NAE1: variants seen among roughly 807,000 people sequenced by gnomAD.
The protein encoded by NAE1 is NEDD8 activating enzyme E1 subunit 1.
In NAE1, 59 loss-of-function variants were observed where a neutral mutation model predicts 88.0. The observed-to-expected ratio is 0.67, with a 90% CI of 0.54 to 0.83. The LOEUF is 0.83. Ranked by LOEUF, NAE1 falls within the 40% of genes least tolerant of loss-of-function variation. The pLI is 0.00. For synonymous variants in NAE1, 186 were observed against 208.9 expected (o/e 0.89, Z 0.95); for missense variants, 554 against 632.8 (o/e 0.88, Z 1.34).
chr16:66,829,331 T>TG (rs2145360824), intron 1 of NAE1, among the ~76,000 whole-genome samples: 3 of 152,284 alleles, frequency 2.0e-5, no homozygotes, highest in African/African-American at 7.2e-5. Flanking sequence ...AAACCTAAGT[T>TG]GGTTATAAGG....
At chr16:66,803,823 C>T (rs951415055) in intron 19 of NAE1, among the ~76,000 whole-genome samples, 7 of 152,074 alleles carry the variant, frequency 4.6e-5, no homozygotes, top group Middle Eastern at 3.4e-3. Flanking sequence ...GAACTCCTGA[C>T]CTCAAGTGAT....
chr16:66,813,800 T>C lies in NAE1; in HGVS notation c.887A>G (p.Asn296Ser), dbSNP rs752510716. ...EDIFNDDRCI[N>S]ITKQTPSFWI... ...TGTTGTTGTTACCTGTTTGGTGATA[T>C]TTATGCAGCGATCATCATTAAATAT... The change falls in exon 12 of 20, where the codon AAT becomes AGT. Residue 296 changes from asparagine to serine, a missense_variant. By Grantham distance (46) the Asn-to-Ser change is conservative. Coordinates refer to ENST00000290810, the MANE Select transcript of NAE1 (RefSeq NM_003905.4). 3.7e-6 allele frequency: 6 copies of C among 1,613,758 alleles called. No homozygotes were observed. The Admixed American group carries it at 5.0e-5, about 13-fold the overall frequency.
chr16:66,814,171 C>A (rs1343779510), intron 11 of NAE1, among the ~76,000 whole-genome samples: 3 of 152,112 alleles, frequency 2.0e-5, no homozygotes, highest in African/African-American at 7.2e-5. Context: ...CGCAGTATAT[C>A]ATGATTTTCC....
chr16:66,808,951 T>A lies in NAE1; in HGVS notation c.1237+38A>T, dbSNP rs747823207. ...AAAATATTTATATCTTTTAAATTAATTAAAATTAACCCAGAATCAGAAGGC... is the reference window on the plus strand; with the variant it reads ...AAAATATTTATATCTTTTAAATTAAATAAAATTAACCCAGAATCAGAAGGC... On this transcript the variant is annotated intron_variant, in intron 16 of 19. Coordinates refer to ENST00000290810, the MANE Select transcript of NAE1 (RefSeq NM_003905.4). 2.9e-6 allele frequency: 4 copies of A among 1,369,336 alleles called. No individual in the cohort carries two copies. In the Admixed American group the frequency reaches 8.1e-5, roughly 28 times the overall value. The allele number at this position is 1,369,336 out of a possible 1,614,324, so 84.8% of individuals were successfully genotyped here. A position where few individuals can be genotyped will look rare whatever the true frequency, so the allele number is the denominator to read the frequency against.
At chr16:66,830,804 A>T (rs1597054537) in intron 1 of NAE1, 43 bp downstream of exon 1, 1 of 1,503,924 alleles carries the variant, frequency 6.6e-7, no homozygotes, top group East Asian at 2.7e-5. Context: ...CGAATGCTGG[A>T]AAGCCCGCCG....
At chr16:66,816,796 A>G in intron 10 of NAE1, 124 bp from the exon 11 acceptor site, 1 of 1,271,392 alleles carries the variant, frequency 7.9e-7, no homozygotes, top group South Asian at 1.5e-5. Context: ...ACGGCTTATC[A>G]TTAGTCCTTA....
At chr16:66,822,732 G>A (rs1395772309) in intron 6 of NAE1, among the ~76,000 whole-genome samples, 18 of 146,512 alleles carry the variant, frequency 1.2e-4, no homozygotes, top group Middle Eastern at 3.5e-3. Context: ...GTAGTGGCAC[G>A]ATCTTTGGCT....
At chr16:66,818,733 G>A in intron 7 of NAE1, 96 bp from the exon 8 acceptor site, 1 of 1,417,014 alleles carries the variant, frequency 7.1e-7, no homozygotes, top group African/African-American at 1.5e-5. Context: ...GAAGTACAGT[G>A]GCACAATCAC....
intron 13 of NAE1, among the ~76,000 whole-genome samples, chr16:66,811,420 T>A (rs1350696608): frequency 6.6e-6 from 1 of 152,168 alleles, no homozygotes; most frequent in Admixed American, 6.5e-5. Flanking sequence ...AAATACTGTA[T>A]TAATGACAAT....
chr16:66,805,822 G>A lies in NAE1; in HGVS notation c.1450C>T (p.Arg484Ter), dbSNP rs767933692. Reference sequence around the variant, plus strand: ...GTATGTGGCTCAGCAGCTCCATATCGGCAACTAAAGGAGACCACAGAGACA... The same window carrying A: ...GTATGTGGCTCAGCAGCTCCATATCAGCAACTAAAGGAGACCACAGAGACA... ...VKDDYVHEFC[R>*]YGAAEPHTIA... Residue 484 changes from arginine (R) to a stop codon, truncating the protein, a stop_gained, in exon 19 of 20, where the codon CGA becomes TGA. Coordinates refer to ENST00000290810, the MANE Select transcript of NAE1 (RefSeq NM_003905.4). LOFTEE classifies it high-confidence loss of function. 1.3e-6 allele frequency: 2 copies of A among 1,529,916 alleles called. No individual in the cohort carries two copies. Among genetic ancestry groups the A allele is most frequent in the East Asian group, 2.3e-5 (1 of 42,914 alleles). 94.8% of individuals were successfully genotyped at this position (1,529,916 alleles called of 1,614,324 possible).
In NAE1 at chr16:66,826,751, A is replaced by G; in HGVS notation, c.83T>C (p.Leu28Ser). The G allele has an allele frequency of 6.2e-7, 1 of 1,613,992 alleles. No homozygotes were observed. The highest frequency in any genetic ancestry group is 8.5e-7 in the Non-Finnish European group (1 of 1,179,958). ...RLWGDHGQEA[L>S]ESAHVCLINA... ...TATTAGGCAAACATGAGCAGATTCT[A>G]AAGCCTCTTGCCCATGATCACCCCA... is the stretch of plus-strand genomic sequence containing the variant. The change falls in exon 2 of 20, where the codon TTA (leucine) becomes TCA (serine). Residue 28 changes from leucine to serine, a missense_variant. Leu to Ser is a moderately radical substitution (Grantham distance 145). Coordinates refer to ENST00000290810, the MANE Select transcript of NAE1 (RefSeq NM_003905.4).
At position 66,823,297 on chromosome 16, in the gene NAE1, T is replaced by G; in HGVS notation, c.331A>C (p.Asn111His). ...SGSFVEESPENLLDNDPSFFC... is the reference protein window; with the variant it reads ...SGSFVEESPEHLLDNDPSFFC... ...AATGAGGGATCATTGTCTAGAAGGT[T>G]TTCTGGACTCTAAACAGGACAGCAA... Residue 111 changes from asparagine to histidine, a missense_variant, in exon 6 of 20, where the codon AAC becomes CAC. By Grantham distance (68) the Asn-to-His change is moderately conservative. Transcript: ENST00000290810. The G allele has an allele frequency of 1.2e-6, 2 of 1,600,478 alleles. No individual in the cohort carries two copies. The highest frequency in any genetic ancestry group is 2.2e-5 in the East Asian group (1 of 44,550).
intron 9 of NAE1, 168 bp from the exon 10 acceptor site, chr16:66,817,196 C>T: frequency 1.0e-6 from 1 of 973,724 alleles, no homozygotes; most frequent in Admixed American, 3.0e-5. Flanking sequence ...CATTTATCTA[C>T]ATTCATTCCC....
chr16:66,829,683 C>T (rs900029002), intron 1 of NAE1, among the ~76,000 whole-genome samples: 2 of 152,106 alleles, frequency 1.3e-5, no homozygotes, highest in South Asian at 4.2e-4. Context: ...AGCCTCAAGA[C>T]ACAGAAGACG....
intron 6 of NAE1, 95 bp downstream of exon 6, chr16:66,823,132 T>C (rs1960334876): frequency 6.7e-6 from 4 of 600,576 alleles, no homozygotes; most frequent in Non-Finnish European, 1.0e-5. Context: ...AATTTAACAA[T>C]TTTTAAAACC....
intron 19 of NAE1, 88 bp from the exon 20 acceptor site, chr16:66,803,206 C>T: frequency 1.1e-6 from 1 of 924,536 alleles, no homozygotes; most frequent in South Asian, 1.5e-5. Context: ...TTTTCCTTTT[C>T]AAAAGCAAAG....
intron 9 of NAE1, 183 bp from the exon 10 acceptor site, chr16:66,817,211 C>A (rs1960080348): frequency 2.2e-6 from 2 of 917,270 alleles, no homozygotes; most frequent in Non-Finnish European, 3.3e-6. Context: ...ATTCCCCCTG[C>A]CAGTTTCATA....
intron 10 of NAE1, 26 bp from the exon 11 acceptor site, chr16:66,816,698 A>G (rs1960056286): frequency 6.5e-7 from 1 of 1,529,234 alleles, no homozygotes; most frequent in South Asian, 1.1e-5. Context: ...ATTGTTAGCA[A>G]ACAGCCCTTT....
At chr16:66,809,361 T>C (rs1218753819) in intron 15 of NAE1, among the ~76,000 whole-genome samples, 2 of 152,186 alleles carry the variant, frequency 1.3e-5, no homozygotes, top group Non-Finnish European at 2.9e-5. Context: ...CCTTTGAGAA[T>C]TGTTCTACAG....
Sources: gnomAD v4.1 joint callset for allele counts (sites outside exome capture counted in the v4.1 genomes callset) on GRCh38, gnomAD v4.1.1 for gene constraint, MANE v1.5 for transcripts, NCBI Gene and HGNC (gene_info 2026-07-23, HGNC 2026-07-21) for gene names.